ADCY8: variants seen among roughly 807,000 people sequenced by gnomAD.
The protein encoded by ADCY8 is adenylate cyclase 8.
ADCY8 carries 51 observed loss-of-function variants against 119.7 expected under a neutral mutation model. The observed-to-expected ratio is 0.43, with a 90% CI of 0.34 to 0.54. ADCY8 has a LOEUF of 0.54. Ranked by LOEUF, ADCY8 falls within the 20% of genes least tolerant of loss-of-function variation. The probability of loss-of-function intolerance (pLI) is 0.03; values close to 1 mark genes in which losing one functional copy is unlikely to be tolerated. For missense variants in ADCY8, 1,383 were observed against 1,598.8 expected (o/e 0.87, Z 2.30); for synonymous variants, 665 against 651.0 (o/e 1.02, Z -0.33).
chr8:130,861,873 GT>G (rs1402020439), intron 9 of ADCY8, among the ~76,000 whole-genome samples: 1 of 151,882 alleles, frequency 6.6e-6, no homozygotes, highest in Non-Finnish European at 1.5e-5. Flanking sequence ...TTTTCTGAGA[GT>G]TTTTAACATA....
At chr8:130,851,354 T>C (rs528040807) in intron 9 of ADCY8, among the ~76,000 whole-genome samples, 1 of 152,250 alleles carries the variant, frequency 6.6e-6, no homozygotes, top group South Asian at 2.1e-4. Context: ...GGAGGCTTCA[T>C]AAAAGAGGTG....
At chr8:130,948,574 A>G (rs1821174598) in intron 3 of ADCY8, among the ~76,000 whole-genome samples, 1 of 151,902 alleles carries the variant, frequency 6.6e-6, no homozygotes, top group Non-Finnish European at 1.5e-5. Context: ...TGATGAAGGT[A>G]AACAGTGGTA....
At chr8:130,996,958 G>C (rs1384269777) in intron 1 of ADCY8, among the ~76,000 whole-genome samples, 1 of 152,108 alleles carries the variant, frequency 6.6e-6, no homozygotes, top group African/African-American at 2.4e-5. Context: ...GAGATCATCA[G>C]ACAGAACATT....
chr8:130,851,211 C>T (rs1389098129), intron 9 of ADCY8, among the ~76,000 whole-genome samples: 1 of 152,190 alleles, frequency 6.6e-6, no homozygotes, highest in Non-Finnish European at 1.5e-5. Flanking sequence ...GCCAAAGACA[C>T]ATCTTCCTCA....
intron 7 of ADCY8, among the ~76,000 whole-genome samples, chr8:130,896,560 G>C (rs1284248328): frequency 6.6e-6 from 1 of 152,100 alleles, no homozygotes; most frequent in East Asian, 1.9e-4. Context: ...TAATGACCAT[G>C]GTGAAAACAG....
chr8:131,006,426 C>T (rs964954468), intron 1 of ADCY8, among the ~76,000 whole-genome samples: 1 of 152,124 alleles, frequency 6.6e-6, no homozygotes, highest in African/African-American at 2.4e-5. Flanking sequence ...AAATCATATG[C>T]CCTTATCAAG....
At chr8:130,824,674 G>C (rs1438621072) in intron 12 of ADCY8, among the ~76,000 whole-genome samples, 2 of 152,216 alleles carry the variant, frequency 1.3e-5, no homozygotes, top group Non-Finnish European at 2.9e-5. Context: ...ATTATTTCCT[G>C]GTTGTTCATT....
chr8:130,943,488 TGG>T, intron 3 of ADCY8, 26 bp from the exon 4 acceptor site: 1 of 187,434 alleles, frequency 5.3e-6, no homozygotes, highest in Non-Finnish European at 1.1e-5. Context: ...AGGGTGGGGG[TGG>T]GGGGAGGAAG....
rs1824302040 is a variant in ADCY8 at position 131,039,760 on chromosome 8, TCAGCACGTC to T, written c.565_573del (p.Asp189_Leu191del). On this transcript the variant is annotated inframe_deletion, in exon 1 of 18. Coordinates refer to ENST00000286355, the MANE Select transcript of ADCY8 (RefSeq NM_001115.3). The stretch of plus-strand genomic sequence containing the variant: ...TGTAGGACCAAGAGAGTGAGTTTGG[TCAGCACGTC>T]CAGCACGTTCATCACCACTTCCGAT... The T allele has an allele frequency of 6.2e-7, 1 of 1,613,982 alleles. No individual in the cohort carries two copies.
At chr8:131,013,275 A>T (rs1823366827) in intron 1 of ADCY8, among the ~76,000 whole-genome samples, 1 of 152,158 alleles carries the variant, frequency 6.6e-6, no homozygotes, top group Non-Finnish European at 1.5e-5. Flanking sequence ...ATAAAACCTG[A>T]CAAATGAAGA....
At position 130,800,410 on chromosome 8, in the gene ADCY8, T is replaced by A; in HGVS notation, c.3060+16A>T. 2 of 1,613,982 alleles carry A rather than the reference T, an allele frequency of 1.2e-6. No homozygotes were observed. Among genetic ancestry groups the A allele is most frequent in the Non-Finnish European group, 1.7e-6 (2 of 1,179,940 alleles). On this transcript the variant is annotated intron_variant, in intron 15 of 17. Coordinates refer to ENST00000286355, the MANE Select transcript of ADCY8 (RefSeq NM_001115.3). ...ATGCCCATTTGTGATTGTAAATGTC[T>A]CAGGCTTAGATTTACCTCATCGAAG...
intron 1 of ADCY8, among the ~76,000 whole-genome samples, chr8:131,036,103 A>T (rs190490966): frequency 4.3e-4 from 65 of 152,310 alleles, no homozygotes; most frequent in Middle Eastern, 3.4e-3. Context: ...AATAATTGGC[A>T]TCAGAGTCAG....
At chr8:130,844,177 C>CT (rs1253750972) in intron 11 of ADCY8, among the ~76,000 whole-genome samples, 2 of 152,140 alleles carry the variant, frequency 1.3e-5, no homozygotes, top group African/African-American at 4.8e-5. Flanking sequence ...AAGTGAGGGT[C>CT]TTCCCACCGA....
At chr8:130,897,533 A>C (rs886845996) in intron 7 of ADCY8, among the ~76,000 whole-genome samples, 4 of 151,400 alleles carry the variant, frequency 2.6e-5, no homozygotes, top group South Asian at 2.1e-4. Flanking sequence ...ATGCGAGGAC[A>C]CTCAGGCAAT....
At chr8:130,869,245 A>G (rs1247915423) in intron 8 of ADCY8, among the ~76,000 whole-genome samples, 1 of 152,144 alleles carries the variant, frequency 6.6e-6, no homozygotes, top group Non-Finnish European at 1.5e-5. Context: ...AACCAGGAAC[A>G]TGGCTCTGAA....
intron 1 of ADCY8, among the ~76,000 whole-genome samples, chr8:131,017,469 C>T (rs1390327908): frequency 1.3e-5 from 2 of 152,194 alleles, no homozygotes; most frequent in Admixed American, 6.5e-5. Context: ...AAGTCCTTGT[C>T]TCCACACATT....
At chr8:131,000,563 C>A (rs1822911242) in intron 1 of ADCY8, among the ~76,000 whole-genome samples, 1 of 152,142 alleles carries the variant, frequency 6.6e-6, no homozygotes, top group Admixed American at 6.5e-5. Flanking sequence ...ATAACATGAG[C>A]ATTCTGTAGA....
intron 1 of ADCY8, among the ~76,000 whole-genome samples, chr8:131,031,640 G>C (rs1164210390): frequency 6.6e-6 from 1 of 152,096 alleles, no homozygotes; most frequent in Non-Finnish European, 1.5e-5. Context: ...AGTGTTTGAG[G>C]CCTTGAGTTC....
Position 130,990,543 on chromosome 8 carries a change from C to A in ADCY8, c.961-1G>T, listed in dbSNP as rs759186791. ...TGAATAGCACTGCCTGGGCCACAAC[C>A]TAAAATAAACACAGTCTGGTCAGGC... is the stretch of plus-strand genomic sequence containing the variant. On this transcript the variant is annotated splice_acceptor_variant, in intron 1 of 17. Coordinates refer to ENST00000286355, the MANE Select transcript of ADCY8 (RefSeq NM_001115.3). LOFTEE classifies it high-confidence loss of function. 1.2e-6 allele frequency: 2 copies of A among 1,613,276 alleles called. No individual in the cohort carries two copies. Among genetic ancestry groups the A allele is most frequent in the South Asian group, 1.1e-5 (1 of 91,000 alleles).
Sources: allele counts gnomAD v4.1 joint callset (sites outside exome capture counted in the v4.1 genomes callset), GRCh38; gene constraint gnomAD v4.1.1; transcripts MANE v1.5; gene names NCBI Gene and HGNC (gene_info 2026-07-23, HGNC 2026-07-21).